The following CPXM2 variants were observed in gnomAD, a reference collection of about 807,000 sequenced individuals.
CPXM2 encodes the protein carboxypeptidase X, M14 family member 2.
A neutral mutation model predicts 86.1 loss-of-function variants in CPXM2; 66 were observed. That is an observed-to-expected ratio of 0.77 (90% confidence interval 0.63 to 0.94). The LOEUF is 0.94. Among genes scored for constraint, CPXM2 ranks in the 40% least tolerant of loss-of-function variants. The probability of loss-of-function intolerance (pLI) is 0.00; values close to 1 mark genes in which losing one functional copy is unlikely to be tolerated. For synonymous variants in CPXM2, 388 were observed against 400.2 expected (o/e 0.97, Z 0.36); for missense variants, 948 against 1,026.3 (o/e 0.92, Z 1.04).
chr10:123,839,401 T>C (rs1413921394), intron 4 of CPXM2, among the ~76,000 whole-genome samples: 1 of 152,222 alleles, frequency 6.6e-6, no homozygotes, highest in Non-Finnish European at 1.5e-5. Flanking sequence ...TAACTCATTA[T>C]CATTCCATGT....
chr10:123,911,907 TGA>T (rs1945491357), intron 2 of CPXM2, among the ~76,000 whole-genome samples: 1 of 152,034 alleles, frequency 6.6e-6, no homozygotes. Context: ...AGAATTCGAC[TGA>T]GGGGCATAAG....
At chr10:123,918,970 G>A (rs912696933) in intron 2 of CPXM2, among the ~76,000 whole-genome samples, 3 of 152,176 alleles carry the variant, frequency 2.0e-5, no homozygotes, top group Admixed American at 1.3e-4. Context: ...ACCAGGAAAG[G>A]GGGCCACTGG....
At chr10:123,759,668 T>C (rs1326833923) in intron 11 of CPXM2, among the ~76,000 whole-genome samples, 2 of 152,232 alleles carry the variant, frequency 1.3e-5, no homozygotes, top group African/African-American at 4.8e-5. Flanking sequence ...TTCCTTTGTG[T>C]TCTCTCCCTG....
chr10:123,770,609 C>A (rs1353487622), intron 8 of CPXM2, among the ~76,000 whole-genome samples: 2 of 152,214 alleles, frequency 1.3e-5, no homozygotes, highest in Admixed American at 1.3e-4. Flanking sequence ...GAAATTCTGT[C>A]CTGCCCACCT....
chr10:123,880,971 C>T (rs1388202501), intron 1 of CPXM2, among the ~76,000 whole-genome samples: 1 of 151,426 alleles, frequency 6.6e-6, no homozygotes, highest in Non-Finnish European at 1.5e-5. Context: ...GCATTTTCCA[C>T]CCTGCTGGGC....
intron 13 of CPXM2, among the ~76,000 whole-genome samples, chr10:123,748,549 G>A (rs190691322): frequency 4.6e-5 from 7 of 152,202 alleles, no homozygotes; most frequent in Admixed American, 3.3e-4. Context: ...GGAGGCAGTC[G>A]TTTGCCACAT....
At chr10:123,766,891 A>G in intron 10 of CPXM2, 82 bp downstream of exon 10, 1 of 1,130,664 alleles carries the variant, frequency 8.8e-7, no homozygotes, top group Non-Finnish European at 1.3e-6. Context: ...TCTCTTTCTT[A>G]AATGTGCTAT....
rs186848382 is a variant in CPXM2 at position 123,885,313 on chromosome 10, C to T, written c.305-5004G>A. Among the ~76,000 whole-genome samples, 323 of 152,240 alleles carry T rather than the reference C, an allele frequency of 2.1e-3. 5 individuals carry two copies. The highest frequency in any genetic ancestry group is 1.0e-3 in the South Asian group (5 of 4,820). ...GAGGCTGGAAGGCTGGGCATTGACC[C>T]CTCCAATCGTACACCTCCTCCAAAA... On this transcript the variant is annotated intron_variant, in intron 1 of 13. Transcript: ENST00000241305. The surrounding 1 kb of genome is among the most constrained non-coding windows in gnomAD (Gnocchi z 4.0).
At chr10:123,751,909 A>G (rs190346397) in intron 13 of CPXM2, 1 of 985,392 alleles carries the variant, frequency 1.0e-6, no homozygotes, top group Admixed American at 6.1e-5. Flanking sequence ...AGCTCATCAA[A>G]ACTGTCTCAT....
At chr10:123,775,514 C>T (rs1046139048) in intron 7 of CPXM2, among the ~76,000 whole-genome samples, 1 of 152,188 alleles carries the variant, frequency 6.6e-6, no homozygotes, top group Non-Finnish European at 1.5e-5. Context: ...ACGGCCTTGA[C>T]ACTGGAAGAA....
intron 6 of CPXM2, among the ~76,000 whole-genome samples, chr10:123,788,754 G>C (rs1391591662): frequency 1.3e-5 from 2 of 152,080 alleles, no homozygotes; most frequent in Non-Finnish European, 2.9e-5. Flanking sequence ...AGGTTTTAGG[G>C]GTGATGACAA....
chr10:123,941,084 T>C (rs964993449), upstream of CPXM2, among the ~76,000 whole-genome samples: 5 of 152,144 alleles, frequency 3.3e-5, no homozygotes, highest in Non-Finnish European at 7.4e-5. Flanking sequence ...GGCAGGAGAA[T>C]GGCATGAACC....
rs536790418 is a variant in CPXM2 at position 123,752,334 on chromosome 10, G to T, written c.2017+2329C>A. 2.5e-5 allele frequency: 25 copies of T among 984,592 alleles called. No individual in the cohort carries two copies. In the East Asian group the frequency reaches 6.8e-4, roughly 27 times the overall value. 61.0% of individuals were successfully genotyped at this position (984,592 alleles called of 1,614,324 possible). On this transcript the variant is annotated intron_variant, in intron 13 of 13. Coordinates refer to ENST00000241305, the MANE Select transcript of CPXM2 (RefSeq NM_198148.3). Reference sequence around the variant, plus strand: ...TCAGTGTGAAGCCTCATGGTTCATGGCTATAAGATCAGTGACAAATGGTAG... The same window carrying T: ...TCAGTGTGAAGCCTCATGGTTCATGTCTATAAGATCAGTGACAAATGGTAG...
chr10:123,842,537 A>C, intron 3 of CPXM2, 49 bp from the exon 4 acceptor site: 1 of 1,573,576 alleles, frequency 6.4e-7, no homozygotes, highest in Non-Finnish European at 8.7e-7. Context: ...TAATTGAAGA[A>C]AATTAAGACA....
intron 2 of CPXM2, among the ~76,000 whole-genome samples, chr10:123,908,840 G>T (rs1055528807): frequency 2.6e-5 from 4 of 152,062 alleles, no homozygotes; most frequent in African/African-American, 9.7e-5. Flanking sequence ...TTATACATTT[G>T]TTAAATGTAC....
intron 13 of CPXM2, chr10:123,751,228 T>C (rs1846067869): frequency 4.5e-6 from 1 of 223,546 alleles, no homozygotes. Context: ...ATTTATTTAG[T>C]ACAGATTTAA....
intron 11 of CPXM2, among the ~76,000 whole-genome samples, chr10:123,759,550 C>T (rs189920082): frequency 2.6e-5 from 4 of 152,324 alleles, no homozygotes; most frequent in Admixed American, 2.6e-4. Context: ...CAGAGAAGGG[C>T]TTCAAAAGCA....
chr10:123,939,302 G>A (rs535126109), intron 2 of CPXM2, among the ~76,000 whole-genome samples: 2 of 152,142 alleles, frequency 1.3e-5, no homozygotes, highest in Admixed American at 6.6e-5. Flanking sequence ...CTAGAAAAGC[G>A]GCACCAAGCG....
At chr10:123,786,387 G>A (rs1847056197) in intron 6 of CPXM2, among the ~76,000 whole-genome samples, 1 of 152,168 alleles carries the variant, frequency 6.6e-6, no homozygotes, top group Admixed American at 6.5e-5. Flanking sequence ...GAGAATGAGA[G>A]ACAGAGGCCC....
Sources: gnomAD v4.1 joint callset for allele counts (sites outside exome capture counted in the v4.1 genomes callset) on GRCh38, gnomAD v4.1.1 for gene constraint, Gnocchi (gnomAD v3.1) non-coding constraint, MANE v1.5 for transcripts, NCBI Gene and HGNC (gene_info 2026-07-23, HGNC 2026-07-21) for gene names.